GRK2: variants seen among roughly 807,000 people sequenced by gnomAD.
The protein encoded by GRK2 is G protein-coupled receptor kinase 2.
A neutral mutation model predicts 97.8 loss-of-function variants in GRK2; 23 were observed. The observed-to-expected ratio is 0.24, with a 90% CI of 0.17 to 0.33. The LOEUF is 0.33. Ranked by LOEUF, GRK2 falls within the 10% of genes least tolerant of loss-of-function variation. The pLI is 1.00. For synonymous variants in GRK2, 425 were observed against 381.7 expected, an observed-to-expected ratio of 1.11 and a Z score of -1.32; for missense variants, 633 against 956.9, an observed-to-expected ratio of 0.66 and a Z score of 4.47.
chr11:67,274,947 C>A (rs940148192), intron 1 of GRK2, among the ~76,000 whole-genome samples: 1 of 152,190 alleles, frequency 6.6e-6, no homozygotes, highest in African/African-American at 2.4e-5. Context: ...GCATGGGCCC[C>A]CCTCTTCCCA....
chr11:67,283,863 C>G lies in GRK2; in HGVS notation c.1405C>G (p.Pro469Ala), dbSNP rs754212842. The change falls in exon 17 of 21, where the codon CCG (proline) becomes GCG (alanine). Residue 469 changes from proline to alanine, a missense_variant. Pro to Ala is a conservative substitution (Grantham distance 27, BLOSUM62 -1). Coordinates refer to ENST00000308595, the MANE Select transcript of GRK2 (RefSeq NM_001619.5). ...CCCTGTTCTGCTGCAGTACCCTCCC[C>G]CGCTGATCCCCCCACGAGGGGAGGT... The part of the protein sequence containing the change: ...QMVFLQKYPP[P>A]LIPPRGEVNA... 4.8e-5 allele frequency: 77 copies of G among 1,613,000 alleles called. No individual in the cohort carries two copies. The highest frequency in any genetic ancestry group is 9.3e-6 in the Non-Finnish European group (11 of 1,179,798).
rs751653503 is a variant in GRK2, at chr11:67,281,651, A to G, written c.749A>G (p.Asp250Gly). ...CCCTCCCCTCCTCTCCCCTCCTAGG[A>G]CTGCCCATTCATTGTCTGCATGTCA... ...RIMLSLVSTG[D>G]CPFIVCMSYA... The change falls in exon 10 of 21, where the codon GAC (aspartate) becomes GGC (glycine). Residue 250 changes from aspartate (D) to glycine (G), a missense_variant and splice_region_variant. Physicochemically the swap from Asp to Gly is moderately conservative, Grantham distance 94. Around this residue, in one of 4 missense-constraint regions of GRK2, gnomAD observed 192 missense variants for 362.3 expected, o/e 0.53. Coordinates refer to ENST00000308595, the MANE Select transcript of GRK2 (RefSeq NM_001619.5). This position sits in a 1 kb window ranked among gnomAD's most constrained non-coding sequence, Gnocchi z 5.7. 2 of 1,342,620 alleles carry G rather than the reference A, an allele frequency of 1.5e-6. No homozygotes were observed. Among genetic ancestry groups the G allele is most frequent in the African/African-American group, 3.2e-5 (2 of 62,804 alleles). The allele number at this position is 1,342,620 out of a possible 1,614,324, so 83.2% of individuals were successfully genotyped here. A position where few individuals can be genotyped will look rare whatever the true frequency, so the allele number is the denominator to read the frequency against.
chr11:67,271,974 C>A (rs1372602737), intron 1 of GRK2, among the ~76,000 whole-genome samples: 19 of 152,236 alleles, frequency 1.2e-4, no homozygotes, highest in Admixed American at 1.2e-3. Context: ...TCGCTCATCT[C>A]CCAGGGGACG....
chr11:67,281,416 C>G lies in GRK2; in HGVS notation c.648-43C>G. ...CGCCCCCTGAGGCAGCCCTGGGCCC[C>G]TGCTCTGAGGGTGGGTGTTGACTGC... On this transcript the variant is annotated intron_variant, in intron 8 of 20. Coordinates refer to ENST00000308595, the MANE Select transcript of GRK2 (RefSeq NM_001619.5). This position sits in a 1 kb window ranked among gnomAD's most constrained non-coding sequence, Gnocchi z 5.7. The G allele has an allele frequency of 6.3e-7, 1 of 1,576,140 alleles. No individual in the cohort carries two copies. Among genetic ancestry groups the G allele is most frequent in the Non-Finnish European group, 8.7e-7 (1 of 1,147,528 alleles).
At position 67,283,144 on chromosome 11, in the gene GRK2, A is replaced by G; in HGVS notation, c.1244A>G (p.Asp415Gly). Residue 415 changes from aspartate to glycine, a missense_variant, in exon 15 of 21, where the codon GAC (aspartate) becomes GGC (glycine). Around this residue, in one of 4 missense-constraint regions of GRK2, gnomAD observed 68 missense variants for 71.0 expected, o/e 0.96. Transcript: ENST00000308595. ...MTLTMAVELP[D>G]SFSPELRSLL... ...TCTCTAAAGGCCGTGGAGCTGCCCG[A>G]CTCCTTCTCCCCTGAACTACGCTCC... The G allele has an allele frequency of 6.2e-7, 1 of 1,613,320 alleles. No homozygotes were observed.
Position 67,281,399 on chromosome 11 carries a change from G to A in GRK2, c.648-60G>A. On this transcript the variant is annotated intron_variant, in intron 8 of 20. Coordinates refer to ENST00000308595, the MANE Select transcript of GRK2 (RefSeq NM_001619.5). The surrounding 1 kb of genome is among the most constrained non-coding windows in gnomAD (Gnocchi z 5.7). ...CTAGTCTTTCCCTCAAGCGCCCCCTGAGGCAGCCCTGGGCCCCTGCTCTGA... is the reference window on the plus strand; with the variant it reads ...CTAGTCTTTCCCTCAAGCGCCCCCTAAGGCAGCCCTGGGCCCCTGCTCTGA... 6.7e-7 allele frequency: 1 copy of A among 1,503,612 alleles called. No individual in the cohort carries two copies. Among genetic ancestry groups the A allele is most frequent in the Non-Finnish European group, 9.2e-7 (1 of 1,083,528 alleles). 93.1% of individuals were successfully genotyped at this position (1,503,612 alleles called of 1,614,324 possible). A position where few individuals can be genotyped will look rare whatever the true frequency, so the allele number is the denominator to read the frequency against.
In GRK2 at chr11:67,266,804, C is replaced by A. The variant is rs1231021871; in HGVS notation, c.105C>A (p.Pro35=). Residue 35 remains proline (P), a synonymous_variant, in exon 1 of 21, where the codon CCC becomes CCA. Coordinates refer to ENST00000308595, the MANE Select transcript of GRK2 (RefSeq NM_001619.5). ...GCGCCAGCAAGAAGATCCTGCTGCCCGAGCCCAGGTGAGGAGAAGCTGCCC... is the reference window on the plus strand; with the variant it reads ...GCGCCAGCAAGAAGATCCTGCTGCCAGAGCCCAGGTGAGGAGAAGCTGCCC... ...AARASKKILL[P]EPSIRSVMQK... The A allele has an allele frequency of 7.6e-7, 1 of 1,308,204 alleles. No individual in the cohort carries two copies. Among genetic ancestry groups the A allele is most frequent in the Non-Finnish European group, 9.8e-7 (1 of 1,016,748 alleles). 81.0% of individuals were successfully genotyped at this position (1,308,204 alleles called of 1,614,324 possible).
At position 67,284,306 on chromosome 11, in the gene GRK2, C is replaced by G; in HGVS notation, c.1587C>G (p.Ile529Met). 6.2e-7 allele frequency: 1 copy of G among 1,613,386 alleles called. No individual in the cohort carries two copies. Among genetic ancestry groups the G allele is most frequent in the Non-Finnish European group, 8.5e-7 (1 of 1,179,988 alleles). Residue 529 changes from isoleucine to methionine, a missense_variant, in exon 18 of 21, where the codon ATC (isoleucine) becomes ATG (methionine). Physicochemically the swap from Ile to Met is conservative, Grantham distance 10. Around this residue, in one of 4 missense-constraint regions of GRK2, gnomAD observed 180 missense variants for 311.3 expected, o/e 0.58. Coordinates refer to ENST00000308595, the MANE Select transcript of GRK2 (RefSeq NM_001619.5). ...TGGCAGAGACTGTCTTCGACACCAT[C>G]AACGCTGAGACAGACCGGCTGGAGG... is the stretch of plus-strand genomic sequence containing the variant. ...QEVAETVFDT[I>M]NAETDRLEAR... is the part of the protein sequence containing the mutation.
Position 67,279,516 on chromosome 11 carries a change from G to C in GRK2, c.363G>C (p.Ser121=), listed in dbSNP as rs112675049. Residue 121 remains serine (S), a synonymous_variant, in exon 4 of 21, where the codon TCG becomes TCC. Coordinates refer to ENST00000308595, the MANE Select transcript of GRK2 (RefSeq NM_001619.5). ...SYIMKELLAC[S]HPFSKSATEH... ...TCATGAAGGAGCTGCTGGCCTGCTC[G>C]CATGTGAGTGTCCTCAGCTGGCCCT... 1.2e-6 allele frequency: 2 copies of C among 1,613,054 alleles called. No individual in the cohort carries two copies. The highest frequency in any genetic ancestry group is 2.2e-5 in the South Asian group (2 of 91,080).
intron 1 of GRK2, among the ~76,000 whole-genome samples, chr11:67,272,803 C>T (rs935261864): frequency 1.3e-5 from 2 of 152,248 alleles, no homozygotes; most frequent in African/African-American, 4.8e-5. Flanking sequence ...CAATGCAGTG[C>T]CTGAAGCTGG....
At chr11:67,272,099 G>A (rs527865021) in intron 1 of GRK2, among the ~76,000 whole-genome samples, 1 of 152,174 alleles carries the variant, frequency 6.6e-6, no homozygotes, top group African/African-American at 2.4e-5. Context: ...CAGGAAGCAT[G>A]GCCCCTGGCT....
intron 6 of GRK2, 104 bp from the exon 7 acceptor site, chr11:67,280,628 C>T: frequency 1.5e-6 from 2 of 1,306,722 alleles, no homozygotes; most frequent in South Asian, 1.2e-5. Flanking sequence ...TCCACACCTA[C>T]CCTCACGGGA....
intron 1 of GRK2, among the ~76,000 whole-genome samples, chr11:67,267,074 C>T (rs1859817294): frequency 6.6e-6 from 1 of 152,212 alleles, no homozygotes; most frequent in African/African-American, 2.4e-5. Flanking sequence ...CCAGTCGGGT[C>T]CCCCTGGCCG....
Position 67,285,956 on chromosome 11 carries a change from C to T in GRK2, c.*506C>T, listed in dbSNP as rs751601783. 1.1e-4 allele frequency: 26 copies of T among 235,546 alleles called. No homozygotes were observed. Among genetic ancestry groups the T allele is most frequent in the Non-Finnish European group, 1.9e-4 (23 of 119,876 alleles). The allele number at this position is 235,546 out of a possible 1,614,324, so 14.6% of individuals were successfully genotyped here. A position where few individuals can be genotyped will look rare whatever the true frequency, so the allele number is the denominator to read the frequency against. ...TGTCTCCCTGGCCCTCAAGGCCTCC[C>T]ACAGTGACTCGGGCTCCTGTGCCCT... On this transcript the variant is annotated 3_prime_UTR_variant, in exon 21 of 21. Coordinates refer to ENST00000308595, the MANE Select transcript of GRK2 (RefSeq NM_001619.5).
At chr11:67,280,605 C>A in intron 6 of GRK2, 127 bp from the exon 7 acceptor site, 1 of 1,064,528 alleles carries the variant, frequency 9.4e-7, no homozygotes. Context: ...AGGACATTAA[C>A]GCTCGTGATG....
chr11:67,285,497 T>A lies in GRK2; in HGVS notation c.*47T>A. On this transcript the variant is annotated 3_prime_UTR_variant, in exon 21 of 21. Transcript: ENST00000308595. ...AACCTCTAATTTATTTTGTCGAATT[T>A]TTATTATTTGTTTTCCCGCCAAGCG... 3 of 1,483,912 alleles carry A rather than the reference T, an allele frequency of 2.0e-6. No individual in the cohort carries two copies. The highest frequency in any genetic ancestry group is 2.7e-6 in the Non-Finnish European group (3 of 1,119,986). The allele number at this position is 1,483,912 out of a possible 1,614,324, so 91.9% of individuals were successfully genotyped here. A position where few individuals can be genotyped will look rare whatever the true frequency, so the allele number is the denominator to read the frequency against.
intron 2 of GRK2, among the ~76,000 whole-genome samples, chr11:67,278,215 G>A (rs184718472): frequency 6.6e-6 from 1 of 152,346 alleles, no homozygotes; most frequent in East Asian, 1.9e-4. Context: ...GCCAGGCAGT[G>A]AGGACTGAAA....
rs1213968937 is a variant in GRK2 at position 67,282,073 on chromosome 11, C to T, written c.957+121C>T. ...GGGACATGGCCGCCCCGTATCTTCC[C>T]ATCTCCGCCCCTGCCCTTCCCACCG... On this transcript the variant is annotated intron_variant, in intron 11 of 20. Coordinates refer to ENST00000308595, the MANE Select transcript of GRK2 (RefSeq NM_001619.5). This position sits in a 1 kb window ranked among gnomAD's most constrained non-coding sequence, Gnocchi z 6.9. The T allele has an allele frequency of 1.5e-6, 2 of 1,371,190 alleles. No homozygotes were observed. The highest frequency in any genetic ancestry group is 2.0e-6 in the Non-Finnish European group (2 of 996,322). 84.9% of individuals were successfully genotyped at this position (1,371,190 alleles called of 1,614,324 possible).
chr11:67,284,577 G>A, intron 18 of GRK2: 1 of 719,182 alleles, frequency 1.4e-6, no homozygotes, highest in Non-Finnish European at 2.2e-6. Context: ...TTGAGGTCAG[G>A]AGTTTGAGAC....
Sources: allele counts gnomAD v4.1 joint callset (sites outside exome capture counted in the v4.1 genomes callset), GRCh38; gene constraint gnomAD v4.1.1; regional missense constraint gnomAD v4.1.1; non-coding constraint Gnocchi (gnomAD v3.1); transcripts MANE v1.5; gene names NCBI Gene and HGNC (gene_info 2026-07-23, HGNC 2026-07-21).